The following SGCZ variants were observed in gnomAD, a reference collection of about 807,000 sequenced individuals.
The protein encoded by SGCZ is sarcoglycan zeta.
In SGCZ, 40 loss-of-function variants were observed where a neutral mutation model predicts 41.3. That is an observed-to-expected ratio of 0.97 (90% CI 0.75 to 1.26). The LOEUF (loss-of-function observed/expected upper bound fraction) is 1.26, where lower values mean the gene tolerates loss of function less well. Among genes scored for constraint, SGCZ ranks in the 50% most tolerant of loss-of-function variants. The probability of loss-of-function intolerance (pLI) is 0.00; values close to 1 mark genes in which losing one functional copy is unlikely to be tolerated. For synonymous variants in SGCZ, 206 were observed against 137.5 expected, an observed-to-expected ratio of 1.50 and a Z score of -3.49; for missense variants, 552 against 369.8, an observed-to-expected ratio of 1.49 and a Z score of -4.04.
rs993732832 is a variant in SGCZ, at chr8:14,087,814, G to A, written c.*2629C>T. On this transcript the variant is annotated 3_prime_UTR_variant, in exon 8 of 8. Transcript: ENST00000382080. Reference sequence around the variant, plus strand: ...CAATAGGCTTGATCTCTCTGAGGCAGGGATCTTGGCTTAGATTCAGAAATC... The same window carrying A: ...CAATAGGCTTGATCTCTCTGAGGCAAGGATCTTGGCTTAGATTCAGAAATC... Among the ~76,000 whole-genome samples, 1 of 151,668 alleles carries A rather than the reference G, an allele frequency of 6.6e-6. No homozygotes were observed. Among genetic ancestry groups the A allele is most frequent in the Non-Finnish European group, 1.5e-5 (1 of 67,766 alleles).
At chr8:14,692,370 C>T (rs537180852) in intron 1 of SGCZ, among the ~76,000 whole-genome samples, 1 of 151,910 alleles carries the variant, frequency 6.6e-6, no homozygotes, top group South Asian at 2.1e-4. Context: ...ATAAGGTGGC[C>T]CCATTAAGAT....
At chr8:14,474,959 G>A (rs1434233490) in intron 2 of SGCZ, among the ~76,000 whole-genome samples, 1 of 152,100 alleles carries the variant, frequency 6.6e-6, no homozygotes, top group Non-Finnish European at 1.5e-5. Context: ...GCAGCCAAAT[G>A]TCTGTACTGA....
intron 1 of SGCZ, among the ~76,000 whole-genome samples, chr8:15,065,520 C>G (rs1005110484): frequency 1.4e-4 from 21 of 151,738 alleles, no homozygotes; most frequent in Middle Eastern, 3.5e-3. Flanking sequence ...TCTCGGCTCA[C>G]TGCAATCTCC....
At position 14,195,019 on chromosome 8, in the gene SGCZ, C is replaced by T. The variant is rs75935162; in HGVS notation, c.425-30317G>A. ...TAAGTTTAAGAATATTTATAGAAAC[C>T]CTAATATACCTAGCACCAAAAAGTA... On this transcript the variant is annotated intron_variant, in intron 4 of 7. Transcript: ENST00000382080. Among the ~76,000 whole-genome samples the T allele has an allele frequency of 2.8e-3, 423 of 152,036 alleles. 4 individuals carry two copies. The highest frequency in any genetic ancestry group is 9.7e-3 in the African/African-American group (402 of 41,492).
chr8:14,166,567 G>A (rs1585195106), intron 4 of SGCZ, among the ~76,000 whole-genome samples: 1 of 152,124 alleles, frequency 6.6e-6, no homozygotes, highest in Admixed American at 6.6e-5. Flanking sequence ...AATATTTACA[G>A]TACATTGCTT....
chr8:14,452,477 G>A (rs1329503849), intron 2 of SGCZ, among the ~76,000 whole-genome samples: 2 of 151,458 alleles, frequency 1.3e-5, no homozygotes, highest in Admixed American at 1.3e-4. Context: ...AGCAAGACTC[G>A]ATCTCAAAAA....
chr8:14,900,151 T>A (rs150673763), intron 1 of SGCZ, among the ~76,000 whole-genome samples: 3 of 152,232 alleles, frequency 2.0e-5, no homozygotes, highest in African/African-American at 7.2e-5. Context: ...TCACATCCAC[T>A]TGACTGTAGA....
Position 14,459,523 on chromosome 8 carries a change from T to C in SGCZ, c.234+95209A>G, listed in dbSNP as rs78254671. On this transcript the variant is annotated intron_variant, in intron 2 of 7. Coordinates refer to ENST00000382080, the MANE Select transcript of SGCZ (RefSeq NM_139167.4). ...GTATCGTTAATGCAGGCAAGATCTA[T>C]TGATAGATGCTAATGTGAGTAAACA... Among the ~76,000 whole-genome samples, 793 of 152,284 alleles carry C rather than the reference T, an allele frequency of 5.2e-3. 4 individuals carry two copies. The highest frequency in any genetic ancestry group is 0.017 in the African/African-American group (704 of 41,570).
At chr8:14,167,407 A>G (rs994539011) in intron 4 of SGCZ, among the ~76,000 whole-genome samples, 15 of 152,138 alleles carry the variant, frequency 9.9e-5, no homozygotes, top group Admixed American at 6.5e-5. Flanking sequence ...TGATTCCTTA[A>G]CAAGTAGATC....
chr8:14,352,698 T>C (rs1337519964), intron 2 of SGCZ, among the ~76,000 whole-genome samples: 3 of 152,082 alleles, frequency 2.0e-5, no homozygotes, highest in Non-Finnish European at 4.4e-5. Context: ...CTTTCTTTTC[T>C]CAACTAGGGC....
chr8:14,626,254 A>G (rs1194202501), intron 1 of SGCZ, among the ~76,000 whole-genome samples: 1 of 152,014 alleles, frequency 6.6e-6, no homozygotes, highest in African/African-American at 2.4e-5. Context: ...CCAACCCACC[A>G]CCTAGGTATT....
intron 3 of SGCZ, among the ~76,000 whole-genome samples, chr8:14,250,803 T>C (rs1359181210): frequency 6.6e-6 from 1 of 152,080 alleles, no homozygotes; most frequent in East Asian, 1.9e-4. Flanking sequence ...GCTCCTTCCC[T>C]GTAGTGCCCT....
intron 3 of SGCZ, among the ~76,000 whole-genome samples, chr8:14,271,547 T>G (rs1253277804): frequency 2.0e-5 from 3 of 152,224 alleles, no homozygotes; most frequent in African/African-American, 7.2e-5. Flanking sequence ...ATTACAATTT[T>G]GACTTAGGTA....
chr8:14,196,014 T>A lies in SGCZ; in HGVS notation c.425-31312A>T, dbSNP rs563323651. ...AACACAATTTTCTTATTATTTAATC[T>A]ATTTAAAAATGACAGTTTAAACAAA... On this transcript the variant is annotated intron_variant, in intron 4 of 7. Coordinates refer to ENST00000382080, the MANE Select transcript of SGCZ (RefSeq NM_139167.4). 4.6e-5 allele frequency among the ~76,000 whole-genome samples: 7 copies of A among 152,274 alleles called. No homozygotes were observed. In the East Asian group the frequency reaches 1.4e-3, roughly 29 times the overall value.
intron 3 of SGCZ, among the ~76,000 whole-genome samples, chr8:14,253,402 C>G (rs1305555159): frequency 6.6e-6 from 1 of 152,004 alleles, no homozygotes; most frequent in Non-Finnish European, 1.5e-5. Context: ...ACTATTTGTA[C>G]AAGTTTCATC....
chr8:14,950,231 G>A (rs1056702468), intron 1 of SGCZ, among the ~76,000 whole-genome samples: 3 of 152,070 alleles, frequency 2.0e-5, no homozygotes, highest in African/African-American at 4.8e-5. Context: ...AGATAGGCCA[G>A]AGGGTCTTTA....
intron 1 of SGCZ, among the ~76,000 whole-genome samples, chr8:15,184,497 T>C (rs1800274338): frequency 6.6e-6 from 1 of 151,784 alleles, no homozygotes. Flanking sequence ...TCACCTCTCA[T>C]GCATTTTCTC....
intron 1 of SGCZ, among the ~76,000 whole-genome samples, chr8:14,786,360 A>G (rs565455653): frequency 6.6e-6 from 1 of 152,166 alleles, no homozygotes; most frequent in Non-Finnish European, 1.5e-5. Context: ...TATGTCCTGT[A>G]TAATGAGCCC....
chr8:14,775,053 T>C (rs942720086), intron 1 of SGCZ, among the ~76,000 whole-genome samples: 1 of 152,190 alleles, frequency 6.6e-6, no homozygotes, highest in African/African-American at 2.4e-5. Context: ...AATTATAGTA[T>C]ACTAAATTGT....
Sources: gnomAD v4.1 joint callset for allele counts (sites outside exome capture counted in the v4.1 genomes callset) on GRCh38, gnomAD v4.1.1 for gene constraint, MANE v1.5 for transcripts, NCBI Gene and HGNC (gene_info 2026-07-23, HGNC 2026-07-21) for gene names.